ATF7: variants seen among roughly 807,000 people sequenced by gnomAD.
The protein encoded by ATF7 is activating transcription factor 7, also known as cyclic AMP-dependent transcription factor ATF-7.
A neutral mutation model predicts 50.4 loss-of-function variants in ATF7; 10 were observed. The ratio of observed to expected loss-of-function variants is 0.20; its 90% confidence interval spans 0.12 to 0.34. The LOEUF is 0.34. Among genes scored for constraint, ATF7 ranks in the 10% least tolerant of loss-of-function variants. The pLI, the probability that ATF7 is intolerant of heterozygous loss-of-function variation, is 1.00. For missense variants in ATF7, 465 were observed against 613.9 expected, an observed-to-expected ratio of 0.76 and a Z score of 2.56; for synonymous variants, 201 against 226.4, an observed-to-expected ratio of 0.89 and a Z score of 1.01.
intron 2 of ATF7, among the ~76,000 whole-genome samples, chr12:53,594,995 G>A (rs568652141): frequency 3.9e-4 from 60 of 152,078 alleles, no homozygotes; most frequent in African/African-American, 1.4e-3. Context: ...AGAGTGAACT[G>A]AAAGTTACTG....
intron 2 of ATF7, among the ~76,000 whole-genome samples, chr12:53,592,915 T>C (rs1943006381): frequency 2.0e-5 from 3 of 152,168 alleles, no homozygotes; most frequent in African/African-American, 7.2e-5. Flanking sequence ...ATAAATAATA[T>C]TGGCAAACAC....
chr12:53,610,354 C>T (rs1046145837), intron 1 of ATF7, among the ~76,000 whole-genome samples: 5 of 151,786 alleles, frequency 3.3e-5, no homozygotes, highest in Non-Finnish European at 2.9e-5. Context: ...CCCTTCAGGC[C>T]AGACGTTGAA....
chr12:53,597,111 T>C (rs74089647), intron 2 of ATF7, among the ~76,000 whole-genome samples: 6,446 of 152,144 alleles, frequency 0.042, 388 homozygotes, highest in African/African-American at 0.13. Context: ...AACAGGAGAA[T>C]AGGAATAACA....
At chr12:53,619,655 T>A (rs913750993) in intron 1 of ATF7, among the ~76,000 whole-genome samples, 1 of 150,374 alleles carries the variant, frequency 6.7e-6, no homozygotes, top group Non-Finnish European at 1.5e-5. Context: ...CTACAAAAAA[T>A]ACAAAAATTA....
chr12:53,584,068 C>T (rs1478408137), intron 2 of ATF7, among the ~76,000 whole-genome samples: 1 of 152,190 alleles, frequency 6.6e-6, no homozygotes, highest in Non-Finnish European at 1.5e-5. Flanking sequence ...CAACCTCCGC[C>T]TCCCAAGTTC....
At chr12:53,605,934 G>C (rs557301965) in intron 1 of ATF7, among the ~76,000 whole-genome samples, 17 of 152,276 alleles carry the variant, frequency 1.1e-4, no homozygotes, top group African/African-American at 4.1e-4. Flanking sequence ...GCAGAAAGCT[G>C]CTGGATCCAC....
At chr12:53,585,575 C>T (rs770880770) in intron 2 of ATF7, among the ~76,000 whole-genome samples, 10 of 151,966 alleles carry the variant, frequency 6.6e-5, no homozygotes, top group Non-Finnish European at 1.3e-4. Context: ...AGACTGAAAA[C>T]CACTAAGTAA....
At chr12:53,554,917 T>C (rs886264205) in intron 2 of ATF7, among the ~76,000 whole-genome samples, 3 of 148,302 alleles carry the variant, frequency 2.0e-5, no homozygotes, top group African/African-American at 7.4e-5. Flanking sequence ...GGTTTCTGAT[T>C]GATCTAGGAC....
chr12:53,509,815 G>T (rs117173840), downstream of ATF7, among the ~76,000 whole-genome samples: 6 of 151,848 alleles, frequency 4.0e-5, no homozygotes, highest in Non-Finnish European at 7.4e-5. Flanking sequence ...CCACTCCATA[G>T]TCTTTTTTGC....
At chr12:53,577,111 A>G (rs533332775) in intron 2 of ATF7, among the ~76,000 whole-genome samples, 41 of 152,162 alleles carry the variant, frequency 2.7e-4, no homozygotes, top group South Asian at 4.1e-4. Context: ...TAGACTGGAC[A>G]TAGCTGAGCA....
At chr12:53,562,695 A>G (rs1227289840) in intron 2 of ATF7, among the ~76,000 whole-genome samples, 2 of 152,030 alleles carry the variant, frequency 1.3e-5, no homozygotes, top group African/African-American at 4.8e-5. Flanking sequence ...TTCATCATCC[A>G]TATCCAAAAG....
At chr12:53,526,888 G>A (rs1347875013) in intron 9 of ATF7, among the ~76,000 whole-genome samples, 7 of 149,488 alleles carry the variant, frequency 4.7e-5, no homozygotes, top group South Asian at 2.1e-4. Flanking sequence ...GCCGGGCGCC[G>A]TGGCTCACGC....
chr12:53,600,332 A>C (rs533029684), intron 2 of ATF7, among the ~76,000 whole-genome samples: 15 of 151,256 alleles, frequency 9.9e-5, no homozygotes, highest in South Asian at 8.3e-4. Context: ...AAGAGAAAAC[A>C]TTTCTTTCTT....
Position 53,624,951 on chromosome 12 carries a change from T to G in ATF7, c.-22+1328A>C, listed in dbSNP as rs560305690. 1.2e-3 allele frequency among the ~76,000 whole-genome samples: 186 copies of G among 152,294 alleles called. 1 individual carries two copies. Among genetic ancestry groups the G allele is most frequent in the Admixed American group, 4.5e-3 (69 of 15,290 alleles). ...GAATGCCCATAAAGACTGATATCGC[T>G]ACAAGAATTACACTACTGCAAAATT... is the stretch of plus-strand genomic sequence containing the variant. On this transcript the variant is annotated intron_variant, in intron 1 of 11. Transcript: ENST00000420353.
chr12:53,533,435 C>T (rs1474500748), intron 6 of ATF7, among the ~76,000 whole-genome samples, 176 bp from the exon 7 acceptor site: 1 of 152,170 alleles, frequency 6.6e-6, no homozygotes, highest in African/African-American at 2.4e-5. Flanking sequence ...TTCAACTTAC[C>T]TTATAGATGG....
chr12:53,565,156 CAAGT>C (rs1941378612), intron 2 of ATF7, among the ~76,000 whole-genome samples: 1 of 152,002 alleles, frequency 6.6e-6, no homozygotes, highest in African/African-American at 2.4e-5. Context: ...AGTCTTCTGC[CAAGT>C]AAGTTGCAGG....
At chr12:53,574,866 C>A in intron 2 of ATF7, 1 of 348,094 alleles carries the variant, frequency 2.9e-6, no homozygotes, top group South Asian at 2.6e-5. Context: ...ATAGTAAATT[C>A]AAGATGGGGA....
At chr12:53,531,683 CA>C (rs1487180507) in intron 9 of ATF7, 60 bp downstream of exon 9, 2 of 1,492,232 alleles carry the variant, frequency 1.3e-6, no homozygotes, top group Admixed American at 2.3e-5. Context: ...GCTCCTTGAA[CA>C]ATAGATATGA....
At chr12:53,546,998 T>C (rs56143805) in intron 3 of ATF7, among the ~76,000 whole-genome samples, 17,418 of 141,820 alleles carry the variant, frequency 0.12, 1,035 homozygotes, top group Non-Finnish European at 0.19. Flanking sequence ...TTTTTTTTTT[T>C]CCTTGAGACA....
Sources: gnomAD v4.1 joint callset for allele counts (sites outside exome capture counted in the v4.1 genomes callset) on GRCh38, gnomAD v4.1.1 for gene constraint, MANE v1.5 for transcripts, NCBI Gene and HGNC (gene_info 2026-07-23, HGNC 2026-07-21) for gene names.